Variants in GNB1 observed in about 807,000 individuals in gnomAD.
GNB1 encodes guanine nucleotide-binding protein G(I)/G(S)/G(T) subunit beta-1.
In GNB1, 2 loss-of-function variants were observed where a neutral mutation model predicts 42.9. The ratio of observed to expected loss-of-function variants is 0.05; its 90% CI spans 0.02 to 0.15. GNB1 has a LOEUF of 0.15. GNB1 is among the 10% of genes least tolerant of loss of function. The probability of loss-of-function intolerance (pLI) is 1.00; values close to 1 mark genes in which losing one functional copy is unlikely to be tolerated. For missense variants in GNB1, 193 were observed against 462.2 expected, an observed-to-expected ratio of 0.42 and a Z score of 5.34; for synonymous variants, 183 against 174.7, an observed-to-expected ratio of 1.05 and a Z score of -0.38.
intron 5 of GNB1, among the ~76,000 whole-genome samples, chr1:1,810,119 C>A (rs1402585307): frequency 6.6e-6 from 1 of 152,022 alleles, no homozygotes; most frequent in East Asian, 1.9e-4. Flanking sequence ...CTCTGTCACC[C>A]AGGCTGGAGG....
chr1:1,860,097 A>G (rs1648539110), intron 1 of GNB1, among the ~76,000 whole-genome samples: 2 of 152,242 alleles, frequency 1.3e-5, no homozygotes, highest in Admixed American at 1.3e-4. Flanking sequence ...AATAGCAACC[A>G]TAAAAAGGAA....
Position 1,790,088 on chromosome 1 carries a change from C to A in GNB1, c.699+307G>T, listed in dbSNP as rs1439373061. On this transcript the variant is annotated intron_variant, in intron 9 of 11. Transcript: ENST00000378609. This position sits in a 1 kb window ranked among gnomAD's most constrained non-coding sequence, Gnocchi z 5.4. ...TTCCCTGGTTAGCTGTGCCCCTGACCAGTAAGGCTCTGTAACCACTGGTGG... is the reference window on the plus strand; with the variant it reads ...TTCCCTGGTTAGCTGTGCCCCTGACAAGTAAGGCTCTGTAACCACTGGTGG... Among the ~76,000 whole-genome samples, 4 of 152,144 alleles carry A rather than the reference C, an allele frequency of 2.6e-5. No homozygotes were observed. The highest frequency in any genetic ancestry group is 5.9e-5 in the Non-Finnish European group (4 of 68,034).
At chr1:1,854,396 C>T (rs1553202189) in intron 1 of GNB1, among the ~76,000 whole-genome samples, 1 of 152,148 alleles carries the variant, frequency 6.6e-6, no homozygotes, top group Non-Finnish European at 1.5e-5. Context: ...ATGTGAGAGA[C>T]AAATTAACTT....
At chr1:1,835,645 G>A (rs1474667591) in intron 2 of GNB1, among the ~76,000 whole-genome samples, 1 of 152,168 alleles carries the variant, frequency 6.6e-6, no homozygotes. Context: ...TAATCAGATA[G>A]ATGTGATACT....
At chr1:1,798,925 CT>C (rs34414397) in intron 7 of GNB1, among the ~76,000 whole-genome samples, 97 of 141,618 alleles carry the variant, frequency 6.8e-4, no homozygotes, top group Middle Eastern at 3.6e-3. Context: ...CACAAACACT[CT>C]TTTTTTTTTT....
At chr1:1,848,357 C>CAAAAAAA (rs56979938) in intron 1 of GNB1, among the ~76,000 whole-genome samples, 1 of 94,350 alleles carries the variant, frequency 1.1e-5, no homozygotes, top group African/African-American at 4.7e-5. Flanking sequence ...CCAGCCCAGG[C>CAAAAAAA]AAAAAAAAAA....
chr1:1,789,382 G>T (rs1646450255), intron 9 of GNB1, 113 bp from the exon 10 acceptor site: 1 of 678,608 alleles, frequency 1.5e-6, no homozygotes, highest in Non-Finnish European at 2.6e-6. Flanking sequence ...AGACCAGCAA[G>T]ACTGTGCTCT....
At chr1:1,791,661 T>C (rs886895509) in intron 8 of GNB1, among the ~76,000 whole-genome samples, 2 of 152,190 alleles carry the variant, frequency 1.3e-5, no homozygotes, top group African/African-American at 4.8e-5. Flanking sequence ...TGTCCGTTCA[T>C]GTCAGCCTCA....
intron 1 of GNB1, among the ~76,000 whole-genome samples, chr1:1,890,115 G>C (rs1275689701): frequency 6.6e-6 from 1 of 152,036 alleles, no homozygotes; most frequent in Non-Finnish European, 1.5e-5. Context: ...CCCTCGAGTC[G>C]ACACGCGCGG....
chr1:1,889,059 A>C (rs1570770262), intron 1 of GNB1, among the ~76,000 whole-genome samples: 1 of 152,180 alleles, frequency 6.6e-6, no homozygotes, highest in East Asian at 1.9e-4. Flanking sequence ...ATAGCATGAA[A>C]ATTAAAACCT....
intron 4 of GNB1, among the ~76,000 whole-genome samples, chr1:1,817,343 A>C (rs1646871799): frequency 6.6e-6 from 1 of 152,090 alleles, no homozygotes; most frequent in Admixed American, 6.6e-5. Flanking sequence ...CCACTCATTC[A>C]TTTATGCACA....
chr1:1,862,902 A>C (rs1243567706), intron 1 of GNB1, among the ~76,000 whole-genome samples: 2 of 152,204 alleles, frequency 1.3e-5, no homozygotes, highest in Non-Finnish European at 2.9e-5. Context: ...AAGGTGGCTG[A>C]ATTTGAACTG....
chr1:1,871,131 C>T (rs1649223860), intron 1 of GNB1, among the ~76,000 whole-genome samples: 1 of 152,076 alleles, frequency 6.6e-6, no homozygotes, highest in African/African-American at 2.4e-5. Flanking sequence ...AAAGGGCTGA[C>T]CACCTAGTAC....
chr1:1,836,884 C>T (rs1208702463), intron 2 of GNB1, among the ~76,000 whole-genome samples: 2 of 126,556 alleles, frequency 1.6e-5, no homozygotes, highest in Non-Finnish European at 3.3e-5. Context: ...TTTGAAGAGA[C>T]AGGGGTCTCA....
Position 1,817,749 on chromosome 1 carries a change from A to T in GNB1, c.96+88T>A. 3 of 882,584 alleles carry T rather than the reference A, an allele frequency of 3.4e-6. No individual in the cohort carries two copies. In the South Asian group the frequency reaches 4.1e-5, roughly 12 times the overall value. The allele number at this position is 882,584 out of a possible 1,614,324, so 54.7% of individuals were successfully genotyped here. On this transcript the variant is annotated intron_variant, in intron 4 of 11. Transcript: ENST00000378609. ...ATCCTCACTGCGCAACAGAGAATGC[A>T]AGCAGAGCCCTCCCGAGGCTCCAGG...
intron 4 of GNB1, 127 bp from the exon 5 acceptor site, chr1:1,815,989 C>G: frequency 1.5e-6 from 1 of 664,088 alleles, no homozygotes; most frequent in Non-Finnish European, 2.7e-6. Context: ...CCACAGTTCT[C>G]CAGTGGCTTC....
chr1:1,809,189 ATTTTTTTTT>A (rs34549355), intron 5 of GNB1, among the ~76,000 whole-genome samples: 1 of 92,724 alleles, frequency 1.1e-5, no homozygotes, highest in African/African-American at 3.4e-5. Context: ...TTCAGATGCA[ATTTTTTTTT>A]TTTTTTTTTT....
At chr1:1,873,306 T>C (rs1186425202) in intron 1 of GNB1, among the ~76,000 whole-genome samples, 2 of 152,200 alleles carry the variant, frequency 1.3e-5, no homozygotes, top group African/African-American at 4.8e-5. Flanking sequence ...TCCTGCCCTT[T>C]TGGAATTCAG....
intron 1 of GNB1, among the ~76,000 whole-genome samples, chr1:1,879,764 C>T (rs182339610): frequency 4.5e-4 from 68 of 151,590 alleles, no homozygotes; most frequent in Non-Finnish European, 4.0e-4. Context: ...GGTGATAAGC[C>T]ATATTTTACA....
Sources: allele counts gnomAD v4.1 joint callset (sites outside exome capture counted in the v4.1 genomes callset), GRCh38; gene constraint gnomAD v4.1.1; non-coding constraint Gnocchi (gnomAD v3.1); transcripts MANE v1.5; gene names NCBI Gene and HGNC (gene_info 2026-07-23, HGNC 2026-07-21).